CES1: variants seen among roughly 807,000 people sequenced by gnomAD.
CES1 encodes liver carboxylesterase 1.
A neutral mutation model predicts 53.0 loss-of-function variants in CES1; 50 were observed. The ratio of observed to expected loss-of-function variants is 0.94; its 90% confidence interval spans 0.75 to 1.19. The LOEUF is 1.19. Ranked by LOEUF, CES1 falls within the 50% of genes most tolerant of loss-of-function variation. CES1 has a pLI of 0.00. For synonymous variants in CES1, 202 were observed against 210.1 expected (o/e 0.96, Z 0.33); for missense variants, 534 against 538.0 (o/e 0.99, Z 0.07).
chr16:55,821,337 TG>T (rs1567501338), intron 5 of CES1, 30 bp downstream of exon 5: 2 of 1,613,936 alleles, frequency 1.2e-6, no homozygotes, highest in Non-Finnish European at 1.7e-6. Flanking sequence ...ACATCAAGCG[TG>T]GGGTTGGGCC....
intron 3 of CES1, among the ~76,000 whole-genome samples, chr16:55,824,025 G>A (rs3815587): frequency 4.6e-5 from 7 of 152,168 alleles, no homozygotes; most frequent in East Asian, 3.8e-4. Context: ...TCACCCTCAA[G>A]CCTAGACTAT....
rs1475373676 is a variant in CES1, at chr16:55,820,547, C to G, written c.694-68G>C. Reference sequence around the variant, plus strand: ...GGGGTCAGTGACTCACTCGCTATTCCAGGCTAGATCTACTCCACTATAAAA... The same window carrying G: ...GGGGTCAGTGACTCACTCGCTATTCGAGGCTAGATCTACTCCACTATAAAA... On this transcript the variant is annotated intron_variant, in intron 5 of 13. Coordinates refer to ENST00000360526, the MANE Select transcript of CES1 (RefSeq NM_001025195.2). The G allele has an allele frequency of 6.2e-6, 10 of 1,610,590 alleles. No homozygotes were observed. The African/African-American group carries it at 1.2e-4, about 19-fold the overall frequency.
intron 4 of CES1, among the ~76,000 whole-genome samples, 198 bp downstream of exon 4, chr16:55,823,352 C>T (rs539686435): frequency 2.0e-5 from 3 of 152,272 alleles, no homozygotes; most frequent in South Asian, 4.2e-4. Flanking sequence ...GCAGAGGGAA[C>T]AGCACATGCA....
Position 55,811,026 on chromosome 16 carries a change from A to T in CES1, c.1087-16T>A, listed in dbSNP as rs1212730433. The stretch of plus-strand genomic sequence containing the variant: ...TCATCAACTGCTAAAAAAAAAAAAA[A>T]GTTCAGCATTTATGAATCATTGGGA... On this transcript the variant is annotated splice_polypyrimidine_tract_variant and intron_variant, in intron 9 of 13. Coordinates refer to ENST00000360526, the MANE Select transcript of CES1 (RefSeq NM_001025195.2). 1 of 1,556,948 alleles carries T rather than the reference A, an allele frequency of 6.4e-7. No homozygotes were observed. The highest frequency in any genetic ancestry group is 2.2e-5 in the East Asian group (1 of 44,748).
chr16:55,831,258 C>G (rs73553829), intron 1 of CES1, among the ~76,000 whole-genome samples: 3,095 of 151,796 alleles, frequency 0.02, 114 homozygotes, highest in African/African-American at 0.062. Flanking sequence ...GCCCAGGGAG[C>G]AAGAGGGCGA....
In CES1 at chr16:55,819,602, G is replaced by A; in HGVS notation, c.839C>T (p.Ser280Phe). 1.2e-6 allele frequency: 2 copies of A among 1,614,160 alleles called. No individual in the cohort carries two copies. The highest frequency in any genetic ancestry group is 2.2e-5 in the East Asian group (1 of 44,892). Residue 280 changes from serine (S) to phenylalanine (F), a missense_variant, in exon 7 of 14, where the codon TCT becomes TTT. Around this residue, in one of 5 missense-constraint regions of CES1, gnomAD observed 269 missense variants for 206.6 expected, o/e 1.30. Transcript: ENST00000360526. The stretch of plus-strand genomic sequence containing the variant: ...TCGCAGGCAGTGAACCATGACAGCA[G>A]AGGTGGTGGTTTTGCACCCAGCAGT... ...AITAGCKTTT[S>F]AVMVHCLRQK...
chr16:55,823,632 A>G lies in CES1; in HGVS notation c.457T>C (p.Tyr153His), dbSNP rs745475518. ...GGLMVGAAST[Y>H]DGLALAAHEN... ...TGGGCAGCAAGGGCCAGCCCATCATAGGTTGATGCCGCACCCACCATCAGC... is the reference window on the plus strand; with the variant it reads ...TGGGCAGCAAGGGCCAGCCCATCATGGGTTGATGCCGCACCCACCATCAGC... The change falls in exon 4 of 14, where the codon TAT becomes CAT. Residue 153 changes from tyrosine to histidine, a missense_variant. Transcript: ENST00000360526. 6.2e-7 allele frequency: 1 copy of G among 1,614,094 alleles called. No individual in the cohort carries two copies.
intron 7 of CES1, among the ~76,000 whole-genome samples, 187 bp from the exon 8 acceptor site, chr16:55,817,149 G>A (rs780995097): frequency 8.5e-5 from 13 of 152,184 alleles, no homozygotes; most frequent in Non-Finnish European, 1.6e-4. Context: ...ATACACTCAT[G>A]TCAATCCAAT....
rs766600897 is a variant in CES1 at position 55,828,953 on chromosome 16, G to C, written c.74C>G (p.Pro25Arg). ...AAWAGHPSSP[P>R]VVDTVHGKVL... ...TTTGCCATGCACGGTGTCCACCACAGGTGGCGAGGACGGATGCCCTGCTGG... is the reference window on the plus strand; with the variant it reads ...TTTGCCATGCACGGTGTCCACCACACGTGGCGAGGACGGATGCCCTGCTGG... Residue 25 changes from proline (P) to arginine (R), a missense_variant, in exon 2 of 14, where the codon CCT becomes CGT. By Grantham distance (103) the Pro-to-Arg change is moderately radical (BLOSUM62 -2). Transcript: ENST00000360526. 1 of 1,612,258 alleles carries C rather than the reference G, an allele frequency of 6.2e-7. No homozygotes were observed.
At chr16:55,826,487 G>A (rs2032424561) in intron 2 of CES1, among the ~76,000 whole-genome samples, 192 bp from the exon 3 acceptor site, 1 of 152,178 alleles carries the variant, frequency 6.6e-6, no homozygotes, top group African/African-American at 2.4e-5. Context: ...GGTCTCCTAA[G>A]ACCAAGCAGA....
chr16:55,817,128 C>T (rs1156673113), intron 7 of CES1, among the ~76,000 whole-genome samples, 166 bp from the exon 8 acceptor site: 1 of 152,118 alleles, frequency 6.6e-6, no homozygotes, highest in Non-Finnish European at 1.5e-5. Flanking sequence ...AATATTAGTT[C>T]AGGGATGGGC....
rs533765274 is a variant in CES1, at chr16:55,829,459, A to T, written c.53-485T>A. On this transcript the variant is annotated intron_variant, in intron 1 of 13. Transcript: ENST00000360526. ...CATAAGGCAGTCTAGGAATTAGAAGAGGGGGCAAGGCCTTCTGATTGCGGG... is the reference window on the plus strand; with the variant it reads ...CATAAGGCAGTCTAGGAATTAGAAGTGGGGGCAAGGCCTTCTGATTGCGGG... Among the ~76,000 whole-genome samples, 23 of 152,372 alleles carry T rather than the reference A, an allele frequency of 1.5e-4. 1 individual carries two copies. The highest frequency in any genetic ancestry group is 1.5e-3 in the Admixed American group (23 of 15,312).
intron 5 of CES1, among the ~76,000 whole-genome samples, chr16:55,820,782 C>A (rs144135258): frequency 6.6e-6 from 1 of 152,044 alleles, no homozygotes; most frequent in African/African-American, 2.4e-5. Context: ...CCTCCCTATC[C>A]GCGGCTCCAT....
chr16:55,816,682 C>A (rs1280018463), intron 8 of CES1, among the ~76,000 whole-genome samples: 2 of 152,112 alleles, frequency 1.3e-5, no homozygotes, highest in African/African-American at 4.8e-5. Context: ...GGGCAGAGCC[C>A]AGGGCACACA....
chr16:55,826,232 G>A lies in CES1; in HGVS notation c.324C>T (p.Asn108=). The A allele has an allele frequency of 1.2e-6, 2 of 1,613,948 alleles. No homozygotes were observed. Among genetic ancestry groups the A allele is most frequent in the Non-Finnish European group, 1.7e-6 (2 of 1,179,838 alleles). Residue 108 remains asparagine, a synonymous_variant, in exon 3 of 14, where the codon AAC becomes AAT. Transcript: ENST00000360526. ...LSELFTNRKE[N]IPLKLSEDCL... is the part of the protein sequence containing the mutation. ...AGTCTTCAGAAAGCTTGAGAGGAATGTTCTCCTTTCGGTTTGTAAATAGCT... is the reference window on the plus strand; with the variant it reads ...AGTCTTCAGAAAGCTTGAGAGGAATATTCTCCTTTCGGTTTGTAAATAGCT...
intron 1 of CES1, among the ~76,000 whole-genome samples, chr16:55,829,624 C>T (rs1285384732): frequency 6.6e-6 from 1 of 152,210 alleles, no homozygotes; most frequent in African/African-American, 2.4e-5. Context: ...GGGAAGGGGG[C>T]ATGGCCCACA....
intron 1 of CES1, among the ~76,000 whole-genome samples, chr16:55,832,571 A>C (rs1400020534): frequency 1.3e-5 from 2 of 152,216 alleles, no homozygotes; most frequent in African/African-American, 4.8e-5. Context: ...GGAATAGCGC[A>C]GTCCCTTGCC....
intron 1 of CES1, among the ~76,000 whole-genome samples, chr16:55,831,935 A>G (rs2032697688): frequency 6.6e-6 from 1 of 151,912 alleles, no homozygotes; most frequent in Non-Finnish European, 1.5e-5. Flanking sequence ...TCTATGTACC[A>G]TGTGTTTTGC....
intron 2 of CES1, among the ~76,000 whole-genome samples, chr16:55,828,412 T>C (rs1422225496): frequency 1.3e-5 from 2 of 152,222 alleles, no homozygotes; most frequent in African/African-American, 4.8e-5. Flanking sequence ...TAACTGCTTC[T>C]TTGTTTCCAA....
Sources: allele counts gnomAD v4.1 joint callset (sites outside exome capture counted in the v4.1 genomes callset), GRCh38; gene constraint gnomAD v4.1.1; regional missense constraint gnomAD v4.1.1; transcripts MANE v1.5; gene names NCBI Gene and HGNC (gene_info 2026-07-23, HGNC 2026-07-21).